PPARGC1B: variants seen among roughly 807,000 people sequenced by gnomAD.
The protein encoded by PPARGC1B is peroxisome proliferator-activated receptor gamma coactivator 1-beta.
A neutral mutation model predicts 101.6 loss-of-function variants in PPARGC1B; 34 were observed. The ratio of observed to expected loss-of-function variants is 0.33; its 90% CI spans 0.25 to 0.45. The LOEUF (loss-of-function observed/expected upper bound fraction) is 0.45, where lower values mean the gene tolerates loss of function less well. Among genes scored for constraint, PPARGC1B ranks in the 20% least tolerant of loss-of-function variants. The probability of loss-of-function intolerance (pLI) is 1.00; values close to 1 mark genes in which losing one functional copy is unlikely to be tolerated. For synonymous variants in PPARGC1B, 548 were observed against 539.3 expected, an observed-to-expected ratio of 1.02 and a Z score of -0.22; for missense variants, 1,234 against 1,317.6, an observed-to-expected ratio of 0.94 and a Z score of 0.98.
At chr5:149,809,115 T>TTAGA (rs10635808) in intron 1 of PPARGC1B, among the ~76,000 whole-genome samples, 38,043 of 83,016 alleles carry the variant, frequency 0.46, 10,070 homozygotes, top group Admixed American at 0.49. Context: ...TATCTCCACC[T>TTAGA]TAGATAGATA....
intron 1 of PPARGC1B, among the ~76,000 whole-genome samples, chr5:149,796,387 A>G (rs919284230): frequency 1.3e-5 from 2 of 152,210 alleles, no homozygotes; most frequent in African/African-American, 4.8e-5. Context: ...AAAGTGGCAG[A>G]AGAGGATGCT....
Position 149,833,549 on chromosome 5 carries a change from T to A in PPARGC1B, c.1476T>A (p.Phe492Leu). The A allele has an allele frequency of 6.3e-7, 1 of 1,583,322 alleles. No individual in the cohort carries two copies. Among genetic ancestry groups the A allele is most frequent in the Non-Finnish European group, 8.6e-7 (1 of 1,164,854 alleles). The change falls in exon 5 of 12, where the codon TTT becomes TTA. Residue 492 changes from phenylalanine to leucine, a missense_variant. By Grantham distance (22) the Phe-to-Leu change is conservative. Coordinates refer to ENST00000309241, the MANE Select transcript of PPARGC1B (RefSeq NM_133263.4). This position sits in a 1 kb window ranked among gnomAD's most constrained non-coding sequence, Gnocchi z 4.1. ...CTGAGCTGGGCCCCTGGCTGACATTTGCAGATGAGCCGCTGGTCCCCTCGG... is the reference window on the plus strand; with the variant it reads ...CTGAGCTGGGCCCCTGGCTGACATTAGCAGATGAGCCGCTGGTCCCCTCGG... The part of the protein sequence containing the change: ...LNPELGPWLT[F>L]ADEPLVPSEP...
At position 149,842,336 on chromosome 5, in the gene PPARGC1B, T is replaced by C; in HGVS notation, c.2775T>C (p.Phe925=). 6.2e-7 allele frequency: 1 copy of C among 1,614,048 alleles called. No individual in the cohort carries two copies. Among genetic ancestry groups the C allele is most frequent in the East Asian group, 2.2e-5 (1 of 44,878 alleles). Residue 925 remains phenylalanine, a synonymous_variant, in exon 10 of 12, where the codon TTT becomes TTC. Coordinates refer to ENST00000309241, the MANE Select transcript of PPARGC1B (RefSeq NM_133263.4). ...AGCTGAAGAGGCGCTTTGAAGTGTTTGGTGAGATTGAGGAGTGCGAGGTGC... is the reference window on the plus strand; with the variant it reads ...AGCTGAAGAGGCGCTTTGAAGTGTTCGGTGAGATTGAGGAGTGCGAGGTGC... ...SRELKRRFEV[F]GEIEECEVLT...
chr5:149,845,656 G>T (rs1759519837), intron 10 of PPARGC1B, 104 bp from the exon 11 acceptor site: 4 of 1,205,980 alleles, frequency 3.3e-6, no homozygotes, highest in East Asian at 2.4e-5. Flanking sequence ...CGTGATGTGG[G>T]TATCGAATCA....
intron 1 of PPARGC1B, among the ~76,000 whole-genome samples, chr5:149,780,303 G>A (rs1216806272): frequency 6.6e-6 from 1 of 152,224 alleles, no homozygotes; most frequent in East Asian, 1.9e-4. Flanking sequence ...CCAGCTCTCA[G>A]TGTGTGACCC....
rs191621622 is a variant in PPARGC1B at position 149,766,356 on chromosome 5, A to G, written c.78+35936A>G. ...TCAGTTAATCTATATATTTAAAGGT[A>G]TCGCTTATTAAGGTCTTTTTCTAGG... On this transcript the variant is annotated intron_variant, in intron 1 of 11. Coordinates refer to ENST00000309241, the MANE Select transcript of PPARGC1B (RefSeq NM_133263.4). Among the ~76,000 whole-genome samples, 110 of 152,342 alleles carry G rather than the reference A, an allele frequency of 7.2e-4. 1 individual carries two copies. The highest frequency in any genetic ancestry group is 2.3e-3 in the African/African-American group (97 of 41,572).
chr5:149,762,820 T>C (rs1358859626), intron 1 of PPARGC1B, among the ~76,000 whole-genome samples: 2 of 152,074 alleles, frequency 1.3e-5, no homozygotes, highest in Non-Finnish European at 2.9e-5. Flanking sequence ...TGGGTCTCGC[T>C]CTGTTGCCCA....
intron 1 of PPARGC1B, among the ~76,000 whole-genome samples, chr5:149,735,784 A>T (rs929406978): frequency 6.6e-6 from 1 of 152,200 alleles, no homozygotes; most frequent in Non-Finnish European, 1.5e-5. Flanking sequence ...TTTGTTCATC[A>T]GTGTTTTTCT....
At chr5:149,840,579 C>G (rs913998727) in intron 9 of PPARGC1B, among the ~76,000 whole-genome samples, 4 of 152,180 alleles carry the variant, frequency 2.6e-5, no homozygotes, top group Non-Finnish European at 4.4e-5. Flanking sequence ...AAGGCTTTCC[C>G]CAACTTGATC....
At chr5:149,773,700 G>A (rs570958661) in intron 1 of PPARGC1B, among the ~76,000 whole-genome samples, 9 of 152,236 alleles carry the variant, frequency 5.9e-5, no homozygotes, top group African/African-American at 1.9e-4. Context: ...GAGCGGCCGC[G>A]GGAGGGACTG....
rs117182028 is a variant in PPARGC1B, at chr5:149,774,160, C to A, written c.78+43740C>A. Among the ~76,000 whole-genome samples, 108 of 152,316 alleles carry A rather than the reference C, an allele frequency of 7.1e-4. 4 individuals carry two copies. In the East Asian group the frequency reaches 0.02, roughly 28 times the overall value. Reference sequence around the variant, plus strand: ...CATGGTGACATGGGCATCAGAGCCCCAGCGGAAAGTCCAGGGGTGGCACCT... The same window carrying A: ...CATGGTGACATGGGCATCAGAGCCCAAGCGGAAAGTCCAGGGGTGGCACCT... On this transcript the variant is annotated intron_variant, in intron 1 of 11. Coordinates refer to ENST00000309241, the MANE Select transcript of PPARGC1B (RefSeq NM_133263.4).
At position 149,757,554 on chromosome 5, in the gene PPARGC1B, C is replaced by T. The variant is rs543147780; in HGVS notation, c.78+27134C>T. ...AGGCCTTCCTGAATTCAGAGTAGCC[C>T]TGCCAGCCTGTCCTGACGGATGAGG... is the stretch of plus-strand genomic sequence containing the variant. On this transcript the variant is annotated intron_variant, in intron 1 of 11. Transcript: ENST00000309241. Among the ~76,000 whole-genome samples, 6 of 152,328 alleles carry T rather than the reference C, an allele frequency of 3.9e-5. No homozygotes were observed. The East Asian group carries it at 1.2e-3, about 29-fold the overall frequency.
At chr5:149,802,046 C>T (rs555506200) in intron 1 of PPARGC1B, among the ~76,000 whole-genome samples, 17 of 152,166 alleles carry the variant, frequency 1.1e-4, no homozygotes, top group Non-Finnish European at 1.9e-4. Flanking sequence ...AGCTCAGCAC[C>T]GCCCCGTCCC....
At chr5:149,830,731 C>T (rs1046622756) in intron 3 of PPARGC1B, 36 bp from the exon 4 acceptor site, 9 of 1,522,392 alleles carry the variant, frequency 5.9e-6, no homozygotes, top group Middle Eastern at 1.7e-4. Context: ...GGCTGTGGCT[C>T]AGCCCCGGCT....
intron 1 of PPARGC1B, among the ~76,000 whole-genome samples, chr5:149,741,881 C>T (rs533786605): frequency 8.5e-5 from 13 of 152,242 alleles, no homozygotes; most frequent in African/African-American, 3.1e-4. Flanking sequence ...TCAAACCTCT[C>T]GGCCTCCCAA....
At chr5:149,842,159 A>C in intron 9 of PPARGC1B, 97 bp from the exon 10 acceptor site, 1 of 1,483,112 alleles carries the variant, frequency 6.7e-7, no homozygotes, top group South Asian at 1.3e-5. Flanking sequence ...GCCAGGCATC[A>C]TGGACTAGGA....
chr5:149,759,463 G>A (rs1344146747), intron 1 of PPARGC1B, among the ~76,000 whole-genome samples: 1 of 152,164 alleles, frequency 6.6e-6, no homozygotes, highest in African/African-American at 2.4e-5. Flanking sequence ...TGTAGCAACA[G>A]TGGCCACCGT....
chr5:149,841,420 C>T (rs923432181), intron 9 of PPARGC1B, among the ~76,000 whole-genome samples: 19 of 152,168 alleles, frequency 1.2e-4, no homozygotes, highest in Non-Finnish European at 1.8e-4. Context: ...CTGTTGACGA[C>T]GGAGTCCTGT....
intron 1 of PPARGC1B, among the ~76,000 whole-genome samples, chr5:149,770,914 G>A (rs931211628): frequency 6.6e-6 from 1 of 152,072 alleles, no homozygotes; most frequent in East Asian, 1.9e-4. Flanking sequence ...GAGTGATACC[G>A]AAGCCATCAT....
Sources: allele counts gnomAD v4.1 joint callset (sites outside exome capture counted in the v4.1 genomes callset), GRCh38; gene constraint gnomAD v4.1.1; non-coding constraint Gnocchi (gnomAD v3.1); transcripts MANE v1.5; gene names NCBI Gene and HGNC (gene_info 2026-07-23, HGNC 2026-07-21).